FOLH1: variants seen among roughly 807,000 people sequenced by gnomAD.
FOLH1 encodes the protein glutamate carboxypeptidase 2.
In FOLH1, 54 loss-of-function variants were observed where a neutral mutation model predicts 93.9. The observed-to-expected ratio is 0.57, with a 90% CI of 0.46 to 0.72. The LOEUF (loss-of-function observed/expected upper bound fraction) is 0.72, where lower values mean the gene tolerates loss of function less well. Ranked by LOEUF, FOLH1 falls within the 30% of genes least tolerant of loss-of-function variation. The pLI, the probability that FOLH1 is intolerant of heterozygous loss-of-function variation, is 0.00. For synonymous variants in FOLH1, 249 were observed against 303.6 expected (o/e 0.82, Z 1.87); for missense variants, 571 against 892.5 (o/e 0.64, Z 4.59).
intron 4 of FOLH1, among the ~76,000 whole-genome samples, chr11:49,190,691 G>C (rs1861933892): frequency 6.6e-6 from 1 of 152,172 alleles, no homozygotes. Context: ...ACTAAAGCTT[G>C]AGAACCACTA....
intron 13 of FOLH1, among the ~76,000 whole-genome samples, chr11:49,158,759 A>G (rs1259111047): frequency 6.6e-6 from 1 of 152,162 alleles, no homozygotes; most frequent in Admixed American, 6.5e-5. Flanking sequence ...CTTCCTATCC[A>G]TGAGCATGGA....
intron 9 of FOLH1, among the ~76,000 whole-genome samples, chr11:49,173,930 C>T (rs1255827636): frequency 6.6e-6 from 1 of 152,084 alleles, no homozygotes; most frequent in African/African-American, 2.4e-5. Flanking sequence ...AGGTACAGCT[C>T]AAATATTTTC....
intron 8 of FOLH1, among the ~76,000 whole-genome samples, 189 bp from the exon 9 acceptor site, chr11:49,175,166 T>C (rs1005113027): frequency 4.6e-5 from 7 of 151,890 alleles, no homozygotes; most frequent in Admixed American, 4.6e-4. Flanking sequence ...CCAAACAAAA[T>C]ATGAGACTCA....
intron 3 of FOLH1, among the ~76,000 whole-genome samples, chr11:49,197,007 A>G (rs1334208442): frequency 1.3e-5 from 2 of 152,150 alleles, no homozygotes; most frequent in Admixed American, 6.6e-5. Context: ...CTAAAATGAA[A>G]CCAAATCAAC....
At chr11:49,206,222 A>T (rs765275430) in intron 1 of FOLH1, 50 bp from the exon 2 acceptor site, 75 of 1,605,710 alleles carry the variant, frequency 4.7e-5, no homozygotes, top group Non-Finnish European at 6.0e-5. Context: ...TATAGATAGG[A>T]CTTATTTTTC....
Position 49,200,345 on chromosome 11 carries a change from A to G in FOLH1, c.321T>C (p.Ser107=), listed in dbSNP as rs756966079. ...GGACATCATAATGTGCTAGCTCAAC[A>G]GAATCCAGGCCAAATTCTTTCCACT... The part of the protein sequence containing the change: ...QSQWKEFGLD[S]VELAHYDVLL... The change falls in exon 3 of 19, where the codon TCT becomes TCC. Residue 107 remains serine, a synonymous_variant. Transcript: ENST00000256999. 5 of 1,613,594 alleles carry G rather than the reference A, an allele frequency of 3.1e-6. No homozygotes were observed. Among genetic ancestry groups the G allele is most frequent in the East Asian group, 2.2e-5 (1 of 44,794 alleles).
Position 49,146,351 on chromosome 11 carries a change from T to G in FOLH1, c.*405A>C, listed in dbSNP as rs1449571634. Among the ~76,000 whole-genome samples, 1 of 152,228 alleles carries G rather than the reference T, an allele frequency of 6.6e-6. No individual in the cohort carries two copies. The highest frequency in any genetic ancestry group is 1.5e-5 in the Non-Finnish European group (1 of 68,044). ...ATCCTCTCAGCCCAGGCTGGCCAGGTAGGCCGTGAGGCCTCTGGCTTGGGA... is the reference window on the plus strand; with the variant it reads ...ATCCTCTCAGCCCAGGCTGGCCAGGGAGGCCGTGAGGCCTCTGGCTTGGGA... On this transcript the variant is annotated 3_prime_UTR_variant, in exon 19 of 19. Transcript: ENST00000256999.
At position 49,173,472 on chromosome 11, in the gene FOLH1, T is replaced by C. The variant is rs556893770; in HGVS notation, c.1110A>G (p.Arg370=). 1.9e-6 allele frequency: 3 copies of C among 1,604,282 alleles called. No homozygotes were observed. Among genetic ancestry groups the C allele is most frequent in the East Asian group, 2.2e-5 (1 of 44,770 alleles). Residue 370 remains arginine (R), a synonymous_variant, in exon 10 of 19, where the codon AGA becomes AGG. Transcript: ENST00000256999. The part of the protein sequence containing the change: ...GTLRGAVEPD[R]YVILGGHRDS... ...CCCGGTGACCTCCCAGAATGACATA[T>C]CTGTCTAGAAAGCATAGATACAAGA...
At chr11:49,182,114 C>A (rs552663632) in intron 7 of FOLH1, among the ~76,000 whole-genome samples, 2 of 151,804 alleles carry the variant, frequency 1.3e-5, no homozygotes, top group South Asian at 2.1e-4. Context: ...GGATCACCTG[C>A]GGTCAGGAGT....
chr11:49,168,580 T>A (rs1403128185), intron 12 of FOLH1, among the ~76,000 whole-genome samples: 1 of 152,148 alleles, frequency 6.6e-6, no homozygotes, highest in African/African-American at 2.4e-5. Context: ...GCATACATTA[T>A]AATTCAAGAT....
intron 15 of FOLH1, 100 bp downstream of exon 15, chr11:49,156,617 C>A: frequency 1.0e-6 from 1 of 986,654 alleles, no homozygotes; most frequent in Non-Finnish European, 1.5e-6. Flanking sequence ...TTTCAAATTT[C>A]TCTATTCCTC....
intron 15 of FOLH1, among the ~76,000 whole-genome samples, chr11:49,156,063 GA>G (rs1355228785): frequency 6.6e-6 from 1 of 151,620 alleles, no homozygotes; most frequent in East Asian, 2.0e-4. Flanking sequence ...TTTATAAAGG[GA>G]AGTTCCCCTG....
chr11:49,207,864 T>G (rs1864143496), intron 1 of FOLH1: 1 of 459,156 alleles, frequency 2.2e-6, no homozygotes, highest in Non-Finnish European at 4.4e-6. Flanking sequence ...TCCAGATTGC[T>G]GACCTGGTTC....
At chr11:49,171,391 G>T in intron 10 of FOLH1, 114 bp from the exon 11 acceptor site, 1 of 1,309,512 alleles carries the variant, frequency 7.6e-7, no homozygotes. Flanking sequence ...TTTGGGAAGG[G>T]CAAATTGTAG....
chr11:49,204,950 C>T (rs1344663476), intron 2 of FOLH1, among the ~76,000 whole-genome samples: 1 of 152,132 alleles, frequency 6.6e-6, no homozygotes, highest in African/African-American at 2.4e-5. Context: ...GGGGCTCACA[C>T]CGGTAATCCC....
At chr11:49,161,879 A>G (rs906120433) in intron 13 of FOLH1, among the ~76,000 whole-genome samples, 1 of 152,308 alleles carries the variant, frequency 6.6e-6, no homozygotes, top group Non-Finnish European at 1.5e-5. Context: ...TCCTTCACGT[A>G]TAAAGCTTAA....
At chr11:49,202,593 G>A (rs897316949) in intron 2 of FOLH1, among the ~76,000 whole-genome samples, 1 of 152,192 alleles carries the variant, frequency 6.6e-6, no homozygotes, top group Non-Finnish European at 1.5e-5. Flanking sequence ...GCATCTGCCT[G>A]CCTTGTCCTC....
At chr11:49,147,544 G>A (rs539846886) in intron 18 of FOLH1, among the ~76,000 whole-genome samples, 9 of 152,046 alleles carry the variant, frequency 5.9e-5, no homozygotes, top group African/African-American at 1.9e-4. Context: ...AATGTTCCAT[G>A]TGACCAAGGC....
chr11:49,154,151 C>A, intron 16 of FOLH1, 77 bp downstream of exon 16: 1 of 1,556,398 alleles, frequency 6.4e-7, no homozygotes, highest in Non-Finnish European at 8.7e-7. Flanking sequence ...TAATAAATGA[C>A]CTAAGATAGC....
Sources: gnomAD v4.1 joint callset for allele counts (sites outside exome capture counted in the v4.1 genomes callset) on GRCh38, gnomAD v4.1.1 for gene constraint, MANE v1.5 for transcripts, NCBI Gene and HGNC (gene_info 2026-07-23, HGNC 2026-07-21) for gene names.